Variants in NDUFB6 observed in about 807,000 individuals in gnomAD.
NDUFB6 encodes NADH dehydrogenase [ubiquinone] 1 beta subcomplex subunit 6.
Under a neutral mutation model 17.5 loss-of-function variants are expected in NDUFB6, and 23 were observed. The ratio of observed to expected loss-of-function variants is 1.31; its 90% CI spans 0.94 to 1.86. The LOEUF (loss-of-function observed/expected upper bound fraction) is 1.86. Ranked by LOEUF, NDUFB6 falls within the 40% of genes most tolerant of loss-of-function variation. NDUFB6 has a pLI of 0.00. For synonymous variants in NDUFB6, 60 were observed against 53.5 expected, an observed-to-expected ratio of 1.12 and a Z score of -0.53; for missense variants, 167 against 153.8, an observed-to-expected ratio of 1.09 and a Z score of -0.46.
rs111646430 is a variant in NDUFB6, at chr9:32,563,491, C to CTTTTTTTTT, written c.274-4546_274-4538dup. ...CTCCTGAACAGGTGGGACTATTGGG[C>CTTTTTTTTT]TTTTTTTTTTTTTGGAGGGATGGGG... On this transcript the variant is annotated intron_variant, in intron 2 of 3. Transcript: ENST00000379847. Among the ~76,000 whole-genome samples, 14 of 91,992 alleles carry CTTTTTTTTT rather than the reference C, an allele frequency of 1.5e-4. 1 individual carries two copies. Among genetic ancestry groups the CTTTTTTTTT allele is most frequent in the Admixed American group, 1.1e-4 (1 of 8,778 alleles). 60.4% of individuals were successfully genotyped at this position (91,992 alleles called of 152,430 possible).
chr9:32,557,196 ACT>A (rs1821486264), intron 3 of NDUFB6, among the ~76,000 whole-genome samples: 1 of 104,440 alleles, frequency 9.6e-6, no homozygotes. Flanking sequence ...ACAGAGTCTC[ACT>A]CTGTGACCCA....
chr9:32,555,853 A>C (rs1821440824), intron 3 of NDUFB6, among the ~76,000 whole-genome samples: 1 of 152,224 alleles, frequency 6.6e-6, no homozygotes, highest in African/African-American at 2.4e-5. Flanking sequence ...TTTCAAGAAA[A>C]CAAAATCAGT....
intron 1 of NDUFB6, 107 bp downstream of exon 1, chr9:32,572,774 T>G (rs943640471): frequency 2.8e-6 from 3 of 1,072,970 alleles, no homozygotes; most frequent in East Asian, 5.3e-5. Context: ...CCCAGAGCAC[T>G]GAGCGTTATC....
intron 2 of NDUFB6, chr9:32,567,172 G>A (rs141202123): frequency 1.1e-5 from 5 of 475,152 alleles, no homozygotes; most frequent in African/African-American, 2.0e-5. Context: ...AGTGGCACCC[G>A]CTGGCCAGCT....
intron 2 of NDUFB6, chr9:32,566,254 A>C: frequency 9.5e-7 from 1 of 1,049,314 alleles, no homozygotes; most frequent in Non-Finnish European, 1.5e-6. Context: ...ATGGCAGACA[A>C]CACTAATTTT....
intron 2 of NDUFB6, chr9:32,566,187 T>C (rs756590282): frequency 1.2e-5 from 9 of 747,078 alleles, no homozygotes; most frequent in Non-Finnish European, 2.2e-5. Flanking sequence ...TCTTCAACCT[T>C]GTCTGGGGTT....
At chr9:32,562,904 T>C (rs1164431241) in intron 2 of NDUFB6, among the ~76,000 whole-genome samples, 7 of 152,240 alleles carry the variant, frequency 4.6e-5, no homozygotes, top group Non-Finnish European at 8.8e-5. Context: ...AATGCAATTA[T>C]GCCTATTAAT....
chr9:32,557,551 C>T (rs888476039), intron 3 of NDUFB6, among the ~76,000 whole-genome samples: 21 of 152,042 alleles, frequency 1.4e-4, no homozygotes, highest in African/African-American at 5.1e-4. Context: ...ACGATCTCAG[C>T]TCACTGCAAC....
At chr9:32,564,510 C>CG (rs1821721237) in intron 2 of NDUFB6, among the ~76,000 whole-genome samples, 1 of 95,062 alleles carries the variant, frequency 1.1e-5, no homozygotes, top group South Asian at 3.3e-4. Flanking sequence ...AAATATTACA[C>CG]TTTTTTAAAA....
At position 32,570,979 on chromosome 9, in the gene NDUFB6, T is replaced by G; in HGVS notation, c.254A>C (p.Tyr85Ser). ...ACTTACAGAAACATGATACTTCATG[T>G]AATAATGAATAATCCAGACAGGTAC... ...VLVPVWIIHY[Y>S]MKYHVSEKPY... The change falls in exon 2 of 4, where the codon TAC becomes TCC. Residue 85 changes from tyrosine (Y) to serine (S), a missense_variant. Transcript: ENST00000379847. 6.3e-7 allele frequency: 1 copy of G among 1,589,174 alleles called. No homozygotes were observed. The highest frequency in any genetic ancestry group is 8.6e-7 in the Non-Finnish European group (1 of 1,162,670).
intron 2 of NDUFB6, among the ~76,000 whole-genome samples, chr9:32,564,894 G>C (rs758634909): frequency 6.6e-6 from 1 of 152,090 alleles, no homozygotes; most frequent in South Asian, 2.1e-4. Context: ...ATTAACGATC[G>C]CTCACCATTT....
chr9:32,553,788 T>A lies in NDUFB6; in HGVS notation c.*88A>T. ...TGACAATTTCTGAGATTAAACTTTA[T>A]TAAAGTTACTTTTCCAGAAAATTCA... On this transcript the variant is annotated 3_prime_UTR_variant, in exon 4 of 4. Transcript: ENST00000379847. 2.3e-6 allele frequency: 2 copies of A among 876,566 alleles called. No individual in the cohort carries two copies. Among genetic ancestry groups the A allele is most frequent in the Non-Finnish European group, 3.7e-6 (2 of 537,728 alleles). 54.3% of individuals were successfully genotyped at this position (876,566 alleles called of 1,614,324 possible). A position where few individuals can be genotyped will look rare whatever the true frequency, so the allele number is the denominator to read the frequency against.
intron 2 of NDUFB6, chr9:32,568,489 T>C (rs753051574): frequency 2.4e-5 from 5 of 206,998 alleles, no homozygotes; most frequent in Non-Finnish European, 5.4e-5. Context: ...TCTTAGTTGA[T>C]AAAGCAGCGG....
chr9:32,562,726 C>G (rs1315309536), intron 2 of NDUFB6, among the ~76,000 whole-genome samples: 1 of 152,164 alleles, frequency 6.6e-6, no homozygotes, highest in Non-Finnish European at 1.5e-5. Flanking sequence ...GAAATTAACA[C>G]TCATACATTA....
intron 3 of NDUFB6, among the ~76,000 whole-genome samples, chr9:32,556,587 G>T (rs932087247): frequency 6.6e-6 from 1 of 152,138 alleles, no homozygotes; most frequent in Non-Finnish European, 1.5e-5. Context: ...ACAGAAACAA[G>T]AAAGAACCAC....
intron 3 of NDUFB6, among the ~76,000 whole-genome samples, 156 bp from the exon 4 acceptor site, chr9:32,554,100 T>C (rs565915019): frequency 6.6e-6 from 1 of 152,304 alleles, no homozygotes; most frequent in South Asian, 2.1e-4. Context: ...GCTGACTAAA[T>C]CTGAACAATC....
chr9:32,555,625 A>G (rs1466112900), intron 3 of NDUFB6, among the ~76,000 whole-genome samples: 1 of 152,246 alleles, frequency 6.6e-6, no homozygotes, highest in Non-Finnish European at 1.5e-5. Context: ...TGGACAAACC[A>G]AACATATAGT....
At chr9:32,559,401 GAA>G (rs1439081166) in intron 2 of NDUFB6, among the ~76,000 whole-genome samples, 2 of 152,146 alleles carry the variant, frequency 1.3e-5, no homozygotes, top group East Asian at 1.9e-4. Flanking sequence ...CTATGCAAAT[GAA>G]AAGTCTATTC....
In NDUFB6 at chr9:32,553,573, T is replaced by C; in HGVS notation, c.*303A>G. Reference sequence around the variant, plus strand: ...GATATTTCACTGTTGCATACCCTGATACCAAATTAGTGTAAGTACTGTGTA... The same window carrying C: ...GATATTTCACTGTTGCATACCCTGACACCAAATTAGTGTAAGTACTGTGTA... On this transcript the variant is annotated 3_prime_UTR_variant, in exon 4 of 4. Coordinates refer to ENST00000379847, the MANE Select transcript of NDUFB6 (RefSeq NM_002493.5). 3.4e-6 allele frequency: 1 copy of C among 295,246 alleles called. No individual in the cohort carries two copies. The highest frequency in any genetic ancestry group is 6.4e-6 in the Non-Finnish European group (1 of 156,378). The allele number at this position is 295,246 out of a possible 1,614,324, so 18.3% of individuals were successfully genotyped here. A position where few individuals can be genotyped will look rare whatever the true frequency, so the allele number is the denominator to read the frequency against.
Sources: allele counts gnomAD v4.1 joint callset (sites outside exome capture counted in the v4.1 genomes callset), GRCh38; gene constraint gnomAD v4.1.1; transcripts MANE v1.5; gene names NCBI Gene and HGNC (gene_info 2026-07-23, HGNC 2026-07-21).